Variants in CEP112 observed in about 807,000 individuals in gnomAD.
CEP112 encodes the protein centrosomal protein of 112 kDa.
Under a neutral mutation model 153.0 loss-of-function variants are expected in CEP112, and 127 were observed. The ratio of observed to expected loss-of-function variants is 0.83; its 90% confidence interval spans 0.72 to 0.96. CEP112 has a LOEUF of 0.96. Ranked by LOEUF, CEP112 falls within the 40% of genes least tolerant of loss-of-function variation. CEP112 has a pLI of 0.00. For synonymous variants in CEP112, 358 were observed against 374.4 expected (o/e 0.96, Z 0.51); for missense variants, 1,089 against 1,101.2 (o/e 0.99, Z 0.16).
At chr17:65,653,011 C>T (rs997551542) in intron 24 of CEP112, among the ~76,000 whole-genome samples, 9 of 152,162 alleles carry the variant, frequency 5.9e-5, no homozygotes, top group African/African-American at 2.2e-4. Flanking sequence ...TTCCTTGATG[C>T]GCTCTGGTCT....
At chr17:65,745,518 A>G (rs1009110315) in intron 22 of CEP112, among the ~76,000 whole-genome samples, 13 of 152,206 alleles carry the variant, frequency 8.5e-5, no homozygotes, top group African/African-American at 3.1e-4. Context: ...TCCTTGGCCT[A>G]ATATGAAATT....
intron 4 of CEP112, among the ~76,000 whole-genome samples, chr17:66,164,940 T>A (rs1015222139): frequency 6.7e-6 from 1 of 148,928 alleles, no homozygotes; most frequent in African/African-American, 2.5e-5. Context: ...TTATAAACAG[T>A]TTCTTTTTTG....
intron 19 of CEP112, among the ~76,000 whole-genome samples, chr17:65,906,187 T>G (rs979638526): frequency 4.6e-5 from 7 of 150,568 alleles, no homozygotes; most frequent in African/African-American, 1.7e-4. Flanking sequence ...AAACACCCCA[T>G]GTTCTCACTC....
At chr17:65,998,020 A>G (rs1311429470) in intron 17 of CEP112, among the ~76,000 whole-genome samples, 1 of 152,162 alleles carries the variant, frequency 6.6e-6, no homozygotes, top group African/African-American at 2.4e-5. Context: ...TCTTGTCAGA[A>G]AAAAACAATC....
In CEP112 at chr17:65,776,863, A is replaced by G. The variant is rs185354744; in HGVS notation, c.2395-26139T>C. Among the ~76,000 whole-genome samples the G allele has an allele frequency of 1.5e-3, 226 of 152,326 alleles. 1 individual carries two copies. Among genetic ancestry groups the G allele is most frequent in the African/African-American group, 5.3e-3 (219 of 41,582 alleles). Reference sequence around the variant, plus strand: ...CATTGTCTGGGGTGCCCATTCTGCTATATGTTTGTAAGAATTAAGTATTTC... The same window carrying G: ...CATTGTCTGGGGTGCCCATTCTGCTGTATGTTTGTAAGAATTAAGTATTTC... On this transcript the variant is annotated intron_variant, in intron 21 of 26. Coordinates refer to ENST00000535342, the MANE Select transcript of CEP112 (RefSeq NM_001199165.4).
intron 6 of CEP112, among the ~76,000 whole-genome samples, chr17:66,102,816 T>C (rs1219308916): frequency 1.4e-5 from 2 of 143,906 alleles, no homozygotes; most frequent in African/African-American, 2.5e-5. Context: ...AAAAAAAGAA[T>C]TAAAAAATTC....
intron 21 of CEP112, among the ~76,000 whole-genome samples, chr17:65,751,735 C>T (rs1461711020): frequency 6.6e-6 from 1 of 152,196 alleles, no homozygotes; most frequent in African/African-American, 2.4e-5. Context: ...CCATCATATT[C>T]ATAATTCCCA....
chr17:65,989,234 CAAAAAA>C (rs749855250), intron 17 of CEP112, among the ~76,000 whole-genome samples: 1 of 40,802 alleles, frequency 2.5e-5, no homozygotes, highest in South Asian at 6.7e-4. Context: ...GACTCCATCT[CAAAAAA>C]AAAAAAAAAA....
At chr17:65,894,552 T>A (rs899394196) in intron 20 of CEP112, among the ~76,000 whole-genome samples, 2 of 152,056 alleles carry the variant, frequency 1.3e-5, no homozygotes, top group Non-Finnish European at 2.9e-5. Flanking sequence ...TTTCATTCTA[T>A]AAAATGAATG....
At chr17:66,005,535 A>G (rs2064237094) in intron 17 of CEP112, among the ~76,000 whole-genome samples, 155 bp downstream of exon 17, 1 of 152,200 alleles carries the variant, frequency 6.6e-6, no homozygotes, top group African/African-American at 2.4e-5. Flanking sequence ...CTAGTAATAA[A>G]ATCTTGAAGA....
intron 12 of CEP112, among the ~76,000 whole-genome samples, chr17:66,036,289 A>G (rs1250724452): frequency 6.6e-6 from 1 of 152,232 alleles, no homozygotes; most frequent in African/African-American, 2.4e-5. Context: ...AGATATGCCA[A>G]TAATATCGTG....
intron 20 of CEP112, among the ~76,000 whole-genome samples, chr17:65,859,439 C>A (rs1248106452): frequency 1.0e-3 from 98 of 93,568 alleles, no homozygotes; most frequent in Admixed American, 1.4e-3. Flanking sequence ...GACTCCATCT[C>A]AAAAAAAAAA....
At chr17:65,666,457 T>A (rs2046698069) in intron 24 of CEP112, among the ~76,000 whole-genome samples, 1 of 152,220 alleles carries the variant, frequency 6.6e-6, no homozygotes, top group Non-Finnish European at 1.5e-5. Context: ...CATTGGTCCC[T>A]TGTGCTGGGT....
intron 17 of CEP112, among the ~76,000 whole-genome samples, chr17:65,970,250 C>A (rs1446110492): frequency 1.3e-5 from 2 of 151,644 alleles, no homozygotes; most frequent in Non-Finnish European, 2.9e-5. Context: ...ATATTACATG[C>A]ATGTTGCACA....
chr17:65,813,947 GATCA>G (rs2056127242), intron 21 of CEP112, among the ~76,000 whole-genome samples: 1 of 152,092 alleles, frequency 6.6e-6, no homozygotes, highest in African/African-American at 2.4e-5. Flanking sequence ...TGTATTTCCT[GATCA>G]ATCTGTTGGG....
intron 24 of CEP112, among the ~76,000 whole-genome samples, chr17:65,684,446 A>C (rs902697074): frequency 1.3e-5 from 2 of 152,240 alleles, no homozygotes; most frequent in African/African-American, 4.8e-5. Flanking sequence ...TAATATCCAC[A>C]GATTGGTATG....
At chr17:66,128,027 G>A (rs1171702375) in intron 6 of CEP112, among the ~76,000 whole-genome samples, 2 of 152,026 alleles carry the variant, frequency 1.3e-5, no homozygotes, top group East Asian at 1.9e-4. Context: ...ACGGCCAGGC[G>A]CGGTGGCCCA....
chr17:65,695,224 C>T (rs551650387), intron 23 of CEP112, among the ~76,000 whole-genome samples: 1 of 152,238 alleles, frequency 6.6e-6, no homozygotes, highest in African/African-American at 2.4e-5. Flanking sequence ...AAAGGGAGAG[C>T]ATTGTAGGAT....
At chr17:65,810,320 C>T (rs146069543) in intron 21 of CEP112, among the ~76,000 whole-genome samples, 2 of 152,056 alleles carry the variant, frequency 1.3e-5, no homozygotes, top group African/African-American at 4.8e-5. Flanking sequence ...ATTTCCTAGC[C>T]CCCTGCAGGT....
Sources: gnomAD v4.1 joint callset for allele counts (sites outside exome capture counted in the v4.1 genomes callset) on GRCh38, gnomAD v4.1.1 for gene constraint, MANE v1.5 for transcripts, NCBI Gene and HGNC (gene_info 2026-07-23, HGNC 2026-07-21) for gene names.